Variants in SAMMSON observed in about 807,000 individuals in gnomAD.
SAMMSON encodes long intergenic non-protein coding RNA 1212.
rs980907407 is a variant in SAMMSON, at chr3:70,413,306, G to A, written n.234-49254G>A. Among the ~76,000 whole-genome samples, 6 of 152,098 alleles carry A rather than the reference G, an allele frequency of 3.9e-5. No homozygotes were observed. The East Asian group carries it at 5.8e-4, about 15-fold the overall frequency. On this transcript the variant is annotated intron_variant and non_coding_transcript_variant, in intron 2 of 3. Transcript: ENST00000641053. ...TGAACTCTCTATTGCCTCAATGGCC[G>A]TTTAGGCTATGTTTCAGTCTAGACA...
At chr3:70,382,065 G>A (rs1435524848) in intron 9 of SAMMSON, among the ~76,000 whole-genome samples, 1 of 152,064 alleles carries the variant, frequency 6.6e-6, no homozygotes, top group Admixed American at 6.6e-5. Flanking sequence ...AAATAAAATA[G>A]CGTGGTGTTT....
At chr3:70,140,889 G>A (rs914704113) in intron 4 of SAMMSON, among the ~76,000 whole-genome samples, 19 of 152,014 alleles carry the variant, frequency 1.2e-4, no homozygotes, top group African/African-American at 2.9e-4. Context: ...TTCTACCAAC[G>A]TTCTGTTCGT....
chr3:70,432,385 T>C (rs1701421333), intron 2 of SAMMSON, among the ~76,000 whole-genome samples: 1 of 151,766 alleles, frequency 6.6e-6, no homozygotes, highest in Non-Finnish European at 1.5e-5. Flanking sequence ...CTAGATGCAA[T>C]TCATTTGTCA....
intron 7 of SAMMSON, among the ~76,000 whole-genome samples, chr3:70,314,848 A>G (rs902453744): frequency 2.3e-4 from 35 of 152,232 alleles, no homozygotes; most frequent in Admixed American, 1.2e-3. Flanking sequence ...AGATGCTTCC[A>G]GGTTCATTTT....
At chr3:70,058,850 A>G (rs978738068) in intron 3 of SAMMSON, among the ~76,000 whole-genome samples, 1 of 152,146 alleles carries the variant, frequency 6.6e-6, no homozygotes, top group Non-Finnish European at 1.5e-5. Flanking sequence ...GAGAGATTAA[A>G]TAATTGACTA....
At chr3:70,394,095 A>G (rs1032968419), downstream of SAMMSON, among the ~76,000 whole-genome samples, 1 of 152,142 alleles carries the variant, frequency 6.6e-6, no homozygotes, top group East Asian at 1.9e-4. Context: ...TTCAAGGTTA[A>G]ACTAACAGGA....
At chr3:70,037,081 C>A (rs1427896128) in intron 3 of SAMMSON, among the ~76,000 whole-genome samples, 1 of 151,724 alleles carries the variant, frequency 6.6e-6, no homozygotes, top group Non-Finnish European at 1.5e-5. Flanking sequence ...TTAATATTTT[C>A]AATGCCTGGA....
intron 6 of SAMMSON, among the ~76,000 whole-genome samples, chr3:70,276,680 G>A (rs1702029995): frequency 6.6e-6 from 1 of 152,148 alleles, no homozygotes; most frequent in East Asian, 1.9e-4. Context: ...ATGGCCTACT[G>A]CATTTTTTTG....
chr3:70,018,157 T>C (rs1475207310), intron 3 of SAMMSON, among the ~76,000 whole-genome samples: 18 of 152,178 alleles, frequency 1.2e-4, no homozygotes. Flanking sequence ...TCAGAAGGAA[T>C]GGTACCAGCT....
chr3:70,181,326 A>T (rs1247307750), intron 4 of SAMMSON, among the ~76,000 whole-genome samples: 1 of 152,216 alleles, frequency 6.6e-6, no homozygotes, highest in Non-Finnish European at 1.5e-5. Context: ...TTTAAGCTAA[A>T]GGAATAAAAC....
chr3:70,034,924 G>A (rs1269957650), intron 3 of SAMMSON, among the ~76,000 whole-genome samples: 2 of 152,124 alleles, frequency 1.3e-5, no homozygotes, highest in African/African-American at 4.8e-5. Context: ...GGTTAGAATT[G>A]TTCTATTAAT....
chr3:70,414,141 C>A (rs1701243903), intron 2 of SAMMSON, among the ~76,000 whole-genome samples: 1 of 152,024 alleles, frequency 6.6e-6, no homozygotes, highest in African/African-American at 2.4e-5. Flanking sequence ...GATCATTAAG[C>A]AGTTTGTAAA....
At chr3:70,393,249 A>G (rs148768333), downstream of SAMMSON, among the ~76,000 whole-genome samples, 653 of 152,352 alleles carry the variant, frequency 4.3e-3, 2 homozygotes, top group African/African-American at 0.015. Context: ...TTCACATCAC[A>G]AAACTCAACT....
chr3:70,208,940 CATCTGTCGT>C (rs1233142512), intron 4 of SAMMSON, among the ~76,000 whole-genome samples: 5 of 152,034 alleles, frequency 3.3e-5, no homozygotes, highest in Admixed American at 1.3e-4. Flanking sequence ...TTCAAGAAAA[CATCTGTCGT>C]TGAAAGCAAT....
intron 4 of SAMMSON, among the ~76,000 whole-genome samples, chr3:70,144,457 G>T (rs7426685): frequency 1.3e-5 from 2 of 151,910 alleles, no homozygotes; most frequent in South Asian, 4.1e-4. Flanking sequence ...GCTGTCATCA[G>T]ATTCCCAAGT....
intron 4 of SAMMSON, among the ~76,000 whole-genome samples, chr3:70,165,373 A>G (rs1421947998): frequency 6.6e-6 from 1 of 151,980 alleles, no homozygotes; most frequent in Non-Finnish European, 1.5e-5. Flanking sequence ...TCATGAGGGC[A>G]GAGCCCCATG....
At chr3:70,006,352 G>A (rs1231080976) in intron 1 of SAMMSON, among the ~76,000 whole-genome samples, 2 of 152,144 alleles carry the variant, frequency 1.3e-5, no homozygotes, top group East Asian at 1.9e-4. Context: ...ATAAGAAAGA[G>A]GAAGGGAATG....
chr3:70,234,816 T>C (rs2106747606), intron 4 of SAMMSON, among the ~76,000 whole-genome samples: 1 of 152,326 alleles, frequency 6.6e-6, no homozygotes, highest in South Asian at 2.1e-4. Context: ...TTTTAATTGG[T>C]GCTGCTTAAG....
chr3:70,258,222 C>A (rs1173417647), intron 6 of SAMMSON, among the ~76,000 whole-genome samples: 1 of 151,984 alleles, frequency 6.6e-6, no homozygotes, highest in Non-Finnish European at 1.5e-5. Flanking sequence ...CAACTTTGAG[C>A]AATAGGGTGG....
Sources: gnomAD v4.1 joint callset for allele counts (sites outside exome capture counted in the v4.1 genomes callset) on GRCh38, gnomAD v4.1.1 for gene constraint, MANE v1.5 for transcripts, NCBI Gene and HGNC (gene_info 2026-07-23, HGNC 2026-07-21) for gene names.